Variants in IL27 observed in about 807,000 individuals in gnomAD.
IL27 encodes the protein interleukin 27.
IL27 carries 11 observed loss-of-function variants against 27.0 expected under a neutral mutation model. That is an observed-to-expected ratio of 0.41 (90% CI 0.26 to 0.67). IL27 has a LOEUF of 0.67. Ranked by LOEUF, IL27 falls within the 30% of genes least tolerant of loss-of-function variation. IL27 has a pLI of 0.34. For synonymous variants in IL27, 134 were observed against 140.6 expected, an observed-to-expected ratio of 0.95 and a Z score of 0.33; for missense variants, 299 against 310.4, an observed-to-expected ratio of 0.96 and a Z score of 0.28.
At chr16:28,500,043 G>C (rs760725876) in intron 4 of IL27, 123 bp from the exon 5 acceptor site, 19 of 1,280,094 alleles carry the variant, frequency 1.5e-5, no homozygotes, top group Non-Finnish European at 2.0e-5. Context: ...GATTTCCCCG[G>C]ACATTCCCTG....
chr16:28,502,924 G>A (rs560674771), intron 3 of IL27, among the ~76,000 whole-genome samples: 241 of 152,298 alleles, frequency 1.6e-3, no homozygotes, highest in Middle Eastern at 0.01. Context: ...CTGGGTTCAA[G>A]TAATTCTCCT....
chr16:28,500,135 A>T (rs750143038), intron 4 of IL27, among the ~76,000 whole-genome samples: 1 of 152,210 alleles, frequency 6.6e-6, no homozygotes, highest in Non-Finnish European at 1.5e-5. Flanking sequence ...GAGCAAGAGG[A>T]TGCTCACAGA....
chr16:28,505,086 C>T (rs1427743372), intron 1 of IL27, among the ~76,000 whole-genome samples: 1 of 152,246 alleles, frequency 6.6e-6, no homozygotes, highest in African/African-American at 2.4e-5. Context: ...ATGCAGAGCC[C>T]ATGGGTTTTC....
intron 4 of IL27, 91 bp downstream of exon 4, chr16:28,501,881 ACACT>A (rs2046433906): frequency 1.4e-6 from 2 of 1,402,154 alleles, no homozygotes; most frequent in Non-Finnish European, 2.0e-6. Context: ...TCACACTCTC[ACACT>A]CACACACACT....
At chr16:28,502,210 G>T in intron 3 of IL27, 76 bp from the exon 4 acceptor site, 1 of 1,365,486 alleles carries the variant, frequency 7.3e-7, no homozygotes, top group Non-Finnish European at 9.9e-7. Flanking sequence ...CTCCCTATCC[G>T]GGTCTCCTTC....
At chr16:28,501,417 T>C (rs578131272) in intron 4 of IL27, among the ~76,000 whole-genome samples, 2 of 146,302 alleles carry the variant, frequency 1.4e-5, no homozygotes, top group East Asian at 2.1e-4. Flanking sequence ...CTCACACTCA[T>C]ACAGACCCAC....
Position 28,502,087 on chromosome 16 carries a change from A to G in IL27, c.351T>C (p.His117=). The G allele has an allele frequency of 6.2e-7, 1 of 1,613,414 alleles. No homozygotes were observed. The highest frequency in any genetic ancestry group is 8.5e-7 in the Non-Finnish European group (1 of 1,179,678). Residue 117 remains histidine, a synonymous_variant, in exon 4 of 5, where the codon CAT becomes CAC. Transcript: ENST00000356897. ...CFISTTLQPF[H]ALLGGLGTQG... is the part of the protein sequence containing the mutation. ...GGGTCCCCAGCCCTCCCAGCAGGGC[A>G]TGGAAGGGCTGAAGCGTGGTGGAGA...
chr16:28,505,731 G>C (rs1380038715), intron 1 of IL27, among the ~76,000 whole-genome samples: 1 of 152,128 alleles, frequency 6.6e-6, no homozygotes, highest in Non-Finnish European at 1.5e-5. Flanking sequence ...CTCAGGGAGA[G>C]GAAATCTAGC....
At chr16:28,505,336 T>A (rs1596577802) in intron 1 of IL27, among the ~76,000 whole-genome samples, 1 of 127,400 alleles carries the variant, frequency 7.8e-6, no homozygotes, top group African/African-American at 2.8e-5. Flanking sequence ...ATCCACAGTA[T>A]GGGAGCTTTT....
chr16:28,501,272 TCTCA>T (rs1265850659), intron 4 of IL27, among the ~76,000 whole-genome samples: 2 of 149,152 alleles, frequency 1.3e-5, no homozygotes, highest in African/African-American at 2.5e-5. Flanking sequence ...ATACCCAAAC[TCTCA>T]CCCACACACC....
intron 4 of IL27, 65 bp downstream of exon 4, chr16:28,501,911 C>A: frequency 6.5e-7 from 1 of 1,541,472 alleles, no homozygotes; most frequent in Non-Finnish European, 8.8e-7. Context: ...CATGGGATCA[C>A]TGAATGAGCC....
chr16:28,503,649 C>A, intron 3 of IL27, 46 bp downstream of exon 3: 1 of 1,438,468 alleles, frequency 7.0e-7, no homozygotes, highest in Non-Finnish European at 9.6e-7. Context: ...ACCCTGGCCC[C>A]AGCCTATCAC....
At position 28,503,907 on chromosome 16, in the gene IL27, A is replaced by C. The variant is rs17855750; in HGVS notation, c.175T>G (p.Ser59Ala). ...VSLHLARKLLSEVRGQAHRFA... is the reference protein window; with the variant it reads ...VSLHLARKLLAEVRGQAHRFA... ...CGGTGGGCCTGGCCCCGAACCTCGG[A>C]GAGCAGCTTCCTGGCGAGATGCAGG... The change falls in exon 2 of 5, where the codon TCC becomes GCC. Residue 59 changes from serine (S) to alanine (A), a missense_variant. Ser to Ala is a moderately conservative substitution (Grantham distance 99). Coordinates refer to ENST00000356897, the MANE Select transcript of IL27 (RefSeq NM_145659.3). The C allele has an allele frequency of 0.052, 84,624 of 1,614,126 alleles. 2,547 individuals carry two copies. The highest frequency in any genetic ancestry group is 0.11 in the East Asian group (4,952 of 44,876).
At chr16:28,504,791 C>T (rs978568668) in intron 1 of IL27, among the ~76,000 whole-genome samples, 1 of 152,130 alleles carries the variant, frequency 6.6e-6, no homozygotes, top group Non-Finnish European at 1.5e-5. Flanking sequence ...CTATGTTGCC[C>T]AGGCTGGTCT....
chr16:28,502,467 T>C (rs772606047), intron 3 of IL27, among the ~76,000 whole-genome samples: 2 of 151,882 alleles, frequency 1.3e-5, no homozygotes. Context: ...CCCATGTGTT[T>C]CCATCCCATC....
intron 3 of IL27, 55 bp downstream of exon 3, chr16:28,503,640 C>T: frequency 1.5e-6 from 2 of 1,349,622 alleles, no homozygotes; most frequent in Non-Finnish European, 1.0e-6. Context: ...TCATCTTGCA[C>T]CCTGGCCCCA....
rs1567270023 is a variant in IL27, at chr16:28,499,858, C to A, written c.525G>T (p.Glu175Asp). 7 of 1,554,084 alleles carry A rather than the reference C, an allele frequency of 4.5e-6. No individual in the cohort carries two copies. The highest frequency in any genetic ancestry group is 5.2e-6 in the Non-Finnish European group (6 of 1,148,612). Residue 175 changes from glutamate to aspartate, a missense_variant, in exon 5 of 5, where the codon GAG (glutamate) becomes GAT (aspartate). Glu to Asp is a conservative substitution (Grantham distance 45). Transcript: ENST00000356897. The stretch of plus-strand genomic sequence containing the variant: ...CCCCTGGGAGCAGCCCCTTCCTCTC[C>A]TCCTCCTCCTCCTCCTCTTCCTCCT... Reference protein sequence around the residue: ...EEEEEEEEEEEERKGLLPGAL... With the variant: ...EEEEEEEEEEDERKGLLPGAL...
In IL27 at chr16:28,503,905, G is replaced by A. The variant is rs781252775; in HGVS notation, c.177C>T (p.Ser59=). 4.5e-5 allele frequency: 73 copies of A among 1,614,088 alleles called. 1 individual carries two copies. Among genetic ancestry groups the A allele is most frequent in the Admixed American group, 1.8e-4 (11 of 60,004 alleles). ...AGCGGTGGGCCTGGCCCCGAACCTC[G>A]GAGAGCAGCTTCCTGGCGAGATGCA... ...VSLHLARKLL[S]EVRGQAHRFA... The change falls in exon 2 of 5, where the codon TCC becomes TCT. Residue 59 remains serine (S), a synonymous_variant. Transcript: ENST00000356897.
chr16:28,499,548 G>T lies in IL27; in HGVS notation c.*103C>A. ...GAGCCTGGGGCAGGGGGCTGGAAGA[G>T]CCCTCCCTTGTCCAAGGCTGATGAT... is the stretch of plus-strand genomic sequence containing the variant. On this transcript the variant is annotated 3_prime_UTR_variant, in exon 5 of 5. Coordinates refer to ENST00000356897, the MANE Select transcript of IL27 (RefSeq NM_145659.3). 4 of 863,400 alleles carry T rather than the reference G, an allele frequency of 4.6e-6. No individual in the cohort carries two copies. The highest frequency in any genetic ancestry group is 7.2e-6 in the Non-Finnish European group (4 of 553,662). 53.5% of individuals were successfully genotyped at this position (863,400 alleles called of 1,614,324 possible). A position where few individuals can be genotyped will look rare whatever the true frequency, so the allele number is the denominator to read the frequency against.
Sources: gnomAD v4.1 joint callset for allele counts (sites outside exome capture counted in the v4.1 genomes callset) on GRCh38, gnomAD v4.1.1 for gene constraint, MANE v1.5 for transcripts, NCBI Gene and HGNC (gene_info 2026-07-23, HGNC 2026-07-21) for gene names.